Variants in SDCCAG8 observed in about 807,000 individuals in gnomAD.
SDCCAG8 encodes serologically defined colon cancer antigen 8.
SDCCAG8 carries 74 observed loss-of-function variants against 101.8 expected under a neutral mutation model. The ratio of observed to expected loss-of-function variants is 0.73; its 90% CI spans 0.60 to 0.88. The LOEUF (loss-of-function observed/expected upper bound fraction) is 0.88. Among genes scored for constraint, SDCCAG8 ranks in the 40% least tolerant of loss-of-function variants. The probability of loss-of-function intolerance (pLI) is 0.00; values close to 1 mark genes in which losing one functional copy is unlikely to be tolerated. For missense variants in SDCCAG8, 787 were observed against 822.6 expected (o/e 0.96, Z 0.53); for synonymous variants, 281 against 292.9 (o/e 0.96, Z 0.41).
At chr1:243,396,369 G>T (rs1404017007) in intron 13 of SDCCAG8, among the ~76,000 whole-genome samples, 1 of 152,080 alleles carries the variant, frequency 6.6e-6, no homozygotes, top group Non-Finnish European at 1.5e-5. Context: ...TTGAACATTA[G>T]TGAAACAGAA....
At chr1:243,364,465 G>A (rs1055026672) in intron 12 of SDCCAG8, among the ~76,000 whole-genome samples, 5 of 152,128 alleles carry the variant, frequency 3.3e-5, no homozygotes, top group Non-Finnish European at 7.4e-5. Context: ...TCATACTGAT[G>A]TTCTCTGTAA....
chr1:243,304,072 CAA>C (rs147707292), intron 6 of SDCCAG8, among the ~76,000 whole-genome samples: 5 of 145,754 alleles, frequency 3.4e-5, no homozygotes, highest in Non-Finnish European at 6.0e-5. Flanking sequence ...GACTCTGTCT[CAA>C]AAAAAAAAAA....
chr1:243,279,727 C>T (rs990100927), intron 4 of SDCCAG8, among the ~76,000 whole-genome samples: 4 of 152,154 alleles, frequency 2.6e-5, no homozygotes, highest in South Asian at 2.1e-4. Context: ...AAATGTCGAA[C>T]CAATGTTGTG....
intron 12 of SDCCAG8, among the ~76,000 whole-genome samples, chr1:243,350,225 T>C (rs1369054748): frequency 6.6e-6 from 1 of 152,124 alleles, no homozygotes; most frequent in African/African-American, 2.4e-5. Context: ...CTTTTTTTTT[T>C]TGAGACGGAG....
chr1:243,403,626 GT>G (rs1164052933), intron 13 of SDCCAG8, among the ~76,000 whole-genome samples: 1 of 150,660 alleles, frequency 6.6e-6, no homozygotes, highest in East Asian at 1.9e-4. Flanking sequence ...TCCATCTCCT[GT>G]CGGAGCAGCA....
rs1228351598 is a variant in SDCCAG8 at position 243,378,854 on chromosome 1, A to C, written c.1607A>C (p.His536Pro). 7 of 1,613,916 alleles carry C rather than the reference A, an allele frequency of 4.3e-6. No individual in the cohort carries two copies. Among genetic ancestry groups the C allele is most frequent in the Non-Finnish European group, 5.9e-6 (7 of 1,179,976 alleles). Residue 536 changes from histidine (H) to proline (P), a missense_variant, in exon 13 of 18, where the codon CAC (histidine) becomes CCC (proline). Coordinates refer to ENST00000366541, the MANE Select transcript of SDCCAG8 (RefSeq NM_006642.5). ...ELLGESEHQL[H>P]LTRQEKDSIQ... is the part of the protein sequence containing the mutation. ...CTGGGCGAATCTGAGCACCAACTGC[A>C]CCTCACCAGGTACTCCCTAATCCCA...
intron 13 of SDCCAG8, among the ~76,000 whole-genome samples, chr1:243,391,538 G>A (rs1187474212): frequency 6.6e-6 from 1 of 152,236 alleles, no homozygotes; most frequent in Non-Finnish European, 1.5e-5. Context: ...AGGGTCACCT[G>A]TGATAGGGCT....
chr1:243,411,007 C>T (rs529194141), intron 13 of SDCCAG8, among the ~76,000 whole-genome samples: 4 of 152,326 alleles, frequency 2.6e-5, no homozygotes. Context: ...AAAACATTGA[C>T]ATGGCCTACA....
chr1:243,341,597 G>A (rs1344200359), intron 11 of SDCCAG8, among the ~76,000 whole-genome samples: 1 of 152,104 alleles, frequency 6.6e-6, no homozygotes. Context: ...CAACTTAAAA[G>A]GTGTGCTTGA....
At chr1:243,258,995 G>T (rs1170132551) in intron 1 of SDCCAG8, among the ~76,000 whole-genome samples, 1 of 152,180 alleles carries the variant, frequency 6.6e-6, no homozygotes, top group African/African-American at 2.4e-5. Flanking sequence ...GTAAATAACT[G>T]CACATGTAGT....
chr1:243,476,120 T>C (rs1662369017), intron 16 of SDCCAG8: 1 of 985,484 alleles, frequency 1.0e-6, no homozygotes, highest in Non-Finnish European at 1.2e-6. Flanking sequence ...TATTGCTCTT[T>C]GCAGAATTCC....
intron 3 of SDCCAG8, among the ~76,000 whole-genome samples, chr1:243,272,968 T>G (rs1041916089): frequency 1.4e-4 from 22 of 152,212 alleles, no homozygotes; most frequent in African/African-American, 5.3e-4. Context: ...CACAAATGAT[T>G]TCATGTGAAC....
At position 243,370,286 on chromosome 1, in the gene SDCCAG8, TA is replaced by T. The variant is rs549589254; in HGVS notation, c.1474-8434del. On this transcript the variant is annotated intron_variant, in intron 12 of 17. Coordinates refer to ENST00000366541, the MANE Select transcript of SDCCAG8 (RefSeq NM_006642.5). Reference sequence around the variant, plus strand: ...GAACACTGAAAAAGCATGATAGGATTAGGGGCAGAAAAGGCCCTATATTATT... The same window carrying T: ...GAACACTGAAAAAGCATGATAGGATTGGGGCAGAAAAGGCCCTATATTATT... Among the ~76,000 whole-genome samples the T allele has an allele frequency of 4.6e-3, 695 of 152,234 alleles. 7 individuals are homozygous for T. The highest frequency in any genetic ancestry group is 0.016 in the African/African-American group (665 of 41,536).
intron 11 of SDCCAG8, 36 bp from the exon 12 acceptor site, chr1:243,344,179 C>A: frequency 6.5e-7 from 1 of 1,547,800 alleles, no homozygotes; most frequent in African/African-American, 1.4e-5. Flanking sequence ...TGGTAGATTC[C>A]AGCAGGTAAT....
intron 12 of SDCCAG8, 68 bp from the exon 13 acceptor site, chr1:243,378,653 A>C: frequency 6.6e-7 from 1 of 1,526,562 alleles, no homozygotes; most frequent in Non-Finnish European, 9.0e-7. Context: ...AAAAATAAAA[A>C]TGAGCTAATT....
chr1:243,439,622 T>TCACACACACACACACACACACA lies in SDCCAG8; in HGVS notation c.1985+13087_1985+13108dup, dbSNP rs60044857. Among the ~76,000 whole-genome samples the TCACACACACACACACACACACA allele has an allele frequency of 7.2e-4, 86 of 120,194 alleles. 2 individuals are homozygous for TCACACACACACACACACACACA. Among genetic ancestry groups the TCACACACACACACACACACACA allele is most frequent in the East Asian group, 2.3e-3 (9 of 3,900 alleles). The allele number at this position is 120,194 out of a possible 152,430, so 78.9% of individuals were successfully genotyped here. On this transcript the variant is annotated intron_variant, in intron 16 of 17. Transcript: ENST00000366541. ...CCTGGGCAACAAGAGTGAGACTCCA[T>TCACACACACACACACACACACA]CACACACACACACACACACACACAC...
chr1:243,470,242 C>T (rs571731434), intron 16 of SDCCAG8, among the ~76,000 whole-genome samples: 1 of 152,282 alleles, frequency 6.6e-6, no homozygotes, highest in Non-Finnish European at 1.5e-5. Context: ...GCTGGGGCCT[C>T]AGAATCCCCC....
chr1:243,396,926 C>T (rs2079067909), intron 13 of SDCCAG8, among the ~76,000 whole-genome samples: 1 of 152,154 alleles, frequency 6.6e-6, no homozygotes, highest in Non-Finnish European at 1.5e-5. Context: ...TGACAATGAC[C>T]TTGAGGGGCT....
intron 8 of SDCCAG8, among the ~76,000 whole-genome samples, chr1:243,308,651 T>C (rs1381635127): frequency 1.3e-5 from 2 of 152,216 alleles, no homozygotes; most frequent in Admixed American, 6.5e-5. Flanking sequence ...AAGGACCCAC[T>C]GTATCCCACT....
Sources: gnomAD v4.1 joint callset for allele counts (sites outside exome capture counted in the v4.1 genomes callset) on GRCh38, gnomAD v4.1.1 for gene constraint, MANE v1.5 for transcripts, NCBI Gene and HGNC (gene_info 2026-07-23, HGNC 2026-07-21) for gene names.